Variants in FAM120A observed in about 807,000 individuals in gnomAD.
FAM120A encodes the protein constitutive coactivator of PPAR-gamma-like protein 1.
Under a neutral mutation model 109.7 loss-of-function variants are expected in FAM120A, and 15 were observed. The ratio of observed to expected loss-of-function variants is 0.14; its 90% CI spans 0.09 to 0.21. The LOEUF is 0.21. Ranked by LOEUF, FAM120A falls within the 10% of genes least tolerant of loss-of-function variation. FAM120A has a pLI of 1.00. For synonymous variants in FAM120A, 493 were observed against 572.8 expected, an observed-to-expected ratio of 0.86 and a Z score of 1.99; for missense variants, 899 against 1,439.3, an observed-to-expected ratio of 0.62 and a Z score of 6.07.
At chr9:93,514,194 A>G (rs1330385083) in intron 5 of FAM120A, among the ~76,000 whole-genome samples, 1 of 152,164 alleles carries the variant, frequency 6.6e-6, no homozygotes, top group African/African-American at 2.4e-5. Context: ...CCCTTATACA[A>G]CCATCAGATC....
At chr9:93,487,351 G>A (rs1334178206) in intron 3 of FAM120A, among the ~76,000 whole-genome samples, 5 of 151,946 alleles carry the variant, frequency 3.3e-5, no homozygotes, top group Non-Finnish European at 7.4e-5. Flanking sequence ...TAGTAGAAAC[G>A]GAGTTTCACC....
At chr9:93,553,448 A>T (rs1055952627) in intron 12 of FAM120A, among the ~76,000 whole-genome samples, 2 of 152,246 alleles carry the variant, frequency 1.3e-5, no homozygotes, top group Admixed American at 1.3e-4. Flanking sequence ...CATATAGGTA[A>T]ATATGACAAA....
intron 10 of FAM120A, among the ~76,000 whole-genome samples, chr9:93,538,604 T>G (rs190731412): frequency 6.6e-6 from 1 of 152,224 alleles, no homozygotes; most frequent in Non-Finnish European, 1.5e-5. Context: ...CAGGCGTGCA[T>G]GCATACTGCA....
Position 93,452,445 on chromosome 9 carries a change from C to T in FAM120A, c.474+56C>T, listed in dbSNP as rs762088381. The T allele has an allele frequency of 1.3e-6, 2 of 1,558,804 alleles. No homozygotes were observed. Among genetic ancestry groups the T allele is most frequent in the Non-Finnish European group, 8.7e-7 (1 of 1,154,584 alleles). On this transcript the variant is annotated intron_variant, in intron 1 of 17. Transcript: ENST00000277165. This position sits in a 1 kb window ranked among gnomAD's most constrained non-coding sequence, Gnocchi z 7.0. ...CCGGGGCCGCGCCGCACCCCTATCC[C>T]CCTTCCCAGGGCGCAGAATGTCGCC...
chr9:93,511,917 G>A (rs574778264), intron 5 of FAM120A, among the ~76,000 whole-genome samples: 4 of 152,220 alleles, frequency 2.6e-5, no homozygotes, highest in African/African-American at 7.2e-5. Context: ...TCTGCCTCCC[G>A]AGTAGCTGGG....
intron 7 of FAM120A, chr9:93,523,483 C>T (rs1050346220): frequency 3.7e-5 from 13 of 352,750 alleles, no homozygotes; most frequent in Middle Eastern, 5.3e-4. Context: ...CACATGGTAC[C>T]ATTTCTAATA....
chr9:93,488,494 C>G (rs1859168102), intron 3 of FAM120A, among the ~76,000 whole-genome samples: 1 of 152,080 alleles, frequency 6.6e-6, no homozygotes, highest in South Asian at 2.1e-4. Flanking sequence ...GTGATTCTCA[C>G]ACTCTCCTGG....
At chr9:93,502,392 A>G (rs929690258) in intron 5 of FAM120A, among the ~76,000 whole-genome samples, 5 of 152,116 alleles carry the variant, frequency 3.3e-5, no homozygotes, top group Non-Finnish European at 7.4e-5. Context: ...AGGAATTTAT[A>G]TTTTTTAAAA....
chr9:93,492,951 G>C (rs1019845526), intron 3 of FAM120A, among the ~76,000 whole-genome samples: 1 of 152,134 alleles, frequency 6.6e-6, no homozygotes, highest in Non-Finnish European at 1.5e-5. Flanking sequence ...TGGTGTCTTG[G>C]GTGTAAGCCA....
intron 5 of FAM120A, among the ~76,000 whole-genome samples, chr9:93,514,203 T>C (rs1860465541): frequency 6.6e-6 from 1 of 152,092 alleles, no homozygotes; most frequent in South Asian, 2.1e-4. Context: ...AACCATCAGA[T>C]CTTGTGAGAA....
chr9:93,485,413 T>C (rs1342398703), intron 3 of FAM120A, among the ~76,000 whole-genome samples: 1 of 151,962 alleles, frequency 6.6e-6, no homozygotes, highest in East Asian at 1.9e-4. Flanking sequence ...CTGGGTAACA[T>C]AGTGAGACCC....
intron 10 of FAM120A, among the ~76,000 whole-genome samples, chr9:93,541,716 C>T (rs1043339956): frequency 6.6e-6 from 1 of 152,150 alleles, no homozygotes; most frequent in Non-Finnish European, 1.5e-5. Context: ...ACTGCCTTAA[C>T]TTGTACCCCA....
intron 1 of FAM120A, among the ~76,000 whole-genome samples, chr9:93,454,084 A>G (rs1313790837): frequency 6.6e-6 from 1 of 152,208 alleles, no homozygotes; most frequent in African/African-American, 2.4e-5. Flanking sequence ...AATGCCTCGC[A>G]CACCTAGTAG....
At position 93,561,185 on chromosome 9, in the gene FAM120A, G is replaced by T; in HGVS notation, c.2883G>T (p.Arg961Ser). 1 of 1,613,906 alleles carries T rather than the reference G, an allele frequency of 6.2e-7. No individual in the cohort carries two copies. Among genetic ancestry groups the T allele is most frequent in the Non-Finnish European group, 8.5e-7 (1 of 1,180,014 alleles). Reference sequence around the variant, plus strand: ...TGGTTGGCCATTGGGCTGGGAGCAGGCGGGGCCGTGGGGGCCGGGGGCCTT... The same window carrying T: ...TGGTTGGCCATTGGGCTGGGAGCAGTCGGGGCCGTGGGGGCCGGGGGCCTT... ...GTVVGHWAGS[R>S]RGRGGRGPFP... The change falls in exon 16 of 18, where the codon AGG (arginine) becomes AGT (serine). Residue 961 changes from arginine to serine, a missense_variant. Coordinates refer to ENST00000277165, the MANE Select transcript of FAM120A (RefSeq NM_014612.5).
chr9:93,496,705 C>T (rs766074652), intron 3 of FAM120A, among the ~76,000 whole-genome samples: 5 of 152,192 alleles, frequency 3.3e-5, no homozygotes, highest in Non-Finnish European at 1.5e-5. Context: ...AATTTTGCCA[C>T]GCAATGCAGC....
At chr9:93,501,726 A>G (rs1404297380) in intron 5 of FAM120A, among the ~76,000 whole-genome samples, 6 of 152,230 alleles carry the variant, frequency 3.9e-5, no homozygotes, top group Admixed American at 3.9e-4. Flanking sequence ...ATGGCAGGAG[A>G]CAAGCCTGGA....
intron 7 of FAM120A, among the ~76,000 whole-genome samples, chr9:93,519,686 GA>G (rs1166117650): frequency 6.6e-6 from 1 of 152,114 alleles, no homozygotes; most frequent in East Asian, 1.9e-4. Flanking sequence ...TACGTTCAGT[GA>G]TACCACAAGG....
chr9:93,473,288 G>T (rs1858393162), intron 2 of FAM120A, among the ~76,000 whole-genome samples: 1 of 152,034 alleles, frequency 6.6e-6, no homozygotes, highest in Non-Finnish European at 1.5e-5. Flanking sequence ...TGGGATTACA[G>T]GTGTGAGCTA....
At chr9:93,544,966 G>A (rs961996206) in intron 11 of FAM120A, among the ~76,000 whole-genome samples, 1 of 152,176 alleles carries the variant, frequency 6.6e-6, no homozygotes, top group Non-Finnish European at 1.5e-5. Context: ...CAGGCAGCAC[G>A]TTTTTATCAG....
Sources: allele counts gnomAD v4.1 joint callset (sites outside exome capture counted in the v4.1 genomes callset), GRCh38; gene constraint gnomAD v4.1.1; non-coding constraint Gnocchi (gnomAD v3.1); transcripts MANE v1.5; gene names NCBI Gene and HGNC (gene_info 2026-07-23, HGNC 2026-07-21).